LSM12: variants seen among roughly 807,000 people sequenced by gnomAD.
The protein encoded by LSM12 is protein LSM12.
For synonymous variants in LSM12, 74 were observed against 87.3 expected (o/e 0.85, Z 0.85); for missense variants, 108 against 238.9 (o/e 0.45, Z 3.61).
At chr17:44,042,488 C>G (rs2049507475) in intron 2 of LSM12, among the ~76,000 whole-genome samples, 1 of 151,948 alleles carries the variant, frequency 6.6e-6, no homozygotes, top group South Asian at 2.1e-4. Flanking sequence ...CAACCTCCGC[C>G]TCCTGGGTTC....
intron 2 of LSM12, chr17:44,040,470 C>T (rs2049473649): frequency 2.3e-5 from 11 of 475,800 alleles, no homozygotes; most frequent in South Asian, 2.1e-4. Flanking sequence ...CCTTCTAATA[C>T]TTACTGCATA....
chr17:44,065,812 T>C (rs1263874153), intron 1 of LSM12, among the ~76,000 whole-genome samples: 1 of 151,410 alleles, frequency 6.6e-6, no homozygotes, highest in Non-Finnish European at 1.5e-5. Context: ...AGTGCAAACA[T>C]CCCCTAAACA....
chr17:44,065,318 G>A (rs1053992441), intron 1 of LSM12, among the ~76,000 whole-genome samples: 18 of 151,776 alleles, frequency 1.2e-4, no homozygotes, highest in African/African-American at 4.4e-4. Flanking sequence ...GCGCGTGCCC[G>A]TAATCCCAGC....
chr17:44,054,827 TTTTC>T (rs1013211535), intron 2 of LSM12, among the ~76,000 whole-genome samples: 24 of 151,270 alleles, frequency 1.6e-4, no homozygotes, highest in South Asian at 1.3e-3. Context: ...CTTGGCGACG[TTTTC>T]TTTTTCTTTT....
intron 2 of LSM12, among the ~76,000 whole-genome samples, chr17:44,041,878 T>C (rs1301577736): frequency 6.6e-6 from 1 of 152,172 alleles, no homozygotes; most frequent in Non-Finnish European, 1.5e-5. Flanking sequence ...CAACAAATAA[T>C]CTGGAGACTC....
intron 2 of LSM12, among the ~76,000 whole-genome samples, chr17:44,055,295 T>C (rs538479197): frequency 1.3e-5 from 2 of 152,086 alleles, no homozygotes; most frequent in Admixed American, 1.3e-4. Context: ...AAAGTATACA[T>C]AGCTAAACAT....
At chr17:44,045,667 C>G (rs1014723899) in intron 2 of LSM12, among the ~76,000 whole-genome samples, 2 of 152,110 alleles carry the variant, frequency 1.3e-5, no homozygotes, top group African/African-American at 4.8e-5. Flanking sequence ...ACCCACTGGG[C>G]TCAAGCAATC....
intron 2 of LSM12, among the ~76,000 whole-genome samples, chr17:44,046,930 C>T (rs1469323982): frequency 6.6e-6 from 1 of 151,336 alleles, no homozygotes; most frequent in Non-Finnish European, 1.5e-5. Flanking sequence ...TGGGGTTTCA[C>T]TATGTTGGCC....
At chr17:44,059,934 G>A (rs1328974173) in intron 2 of LSM12, among the ~76,000 whole-genome samples, 1 of 152,172 alleles carries the variant, frequency 6.6e-6, no homozygotes, top group Non-Finnish European at 1.5e-5. Flanking sequence ...GGAGGCCGAG[G>A]CGGGCGGATC....
chr17:44,042,422 TGA>T (rs2049506744), intron 2 of LSM12, among the ~76,000 whole-genome samples: 1 of 152,166 alleles, frequency 6.6e-6, no homozygotes, highest in African/African-American at 2.4e-5. Context: ...TTCTTGGGAT[TGA>T]GTTTCACTCT....
chr17:44,046,097 C>T (rs957084131), intron 2 of LSM12, among the ~76,000 whole-genome samples: 4 of 151,112 alleles, frequency 2.6e-5, no homozygotes, highest in Admixed American at 6.6e-5. Flanking sequence ...CCACCACGCC[C>T]GGATAATTTT....
intron 2 of LSM12, among the ~76,000 whole-genome samples, chr17:44,045,323 G>C (rs1018908930): frequency 6.6e-6 from 1 of 152,112 alleles, no homozygotes; most frequent in Non-Finnish European, 1.5e-5. Flanking sequence ...ACCATGCCTG[G>C]CCTTAAATCT....
intron 2 of LSM12, among the ~76,000 whole-genome samples, chr17:44,060,251 C>A (rs540686509): frequency 6.6e-6 from 1 of 152,294 alleles, no homozygotes; most frequent in East Asian, 1.9e-4. Context: ...AGTTTTCTTC[C>A]AGACATCCCA....
At position 44,036,231 on chromosome 17, in the gene LSM12, T is replaced by C; in HGVS notation, c.565A>G (p.Lys189Glu). 1 of 1,613,122 alleles carries C rather than the reference T, an allele frequency of 6.2e-7. No individual in the cohort carries two copies. The highest frequency in any genetic ancestry group is 8.5e-7 in the Non-Finnish European group (1 of 1,179,726). Reference sequence around the variant, plus strand: ...ACTCAGGATGACAGGGCAGCCTCCTTCTGTGGTTGCTGGGCTTGTGAACGT... The same window carrying C: ...ACTCAGGATGACAGGGCAGCCTCCTCCTGTGGTTGCTGGGCTTGTGAACGT... Reference protein sequence around the residue: ...LQRSQAQQPQKEAALSS With the variant: ...LQRSQAQQPQEEAALSS The change falls in exon 5 of 5, where the codon AAG becomes GAG. Residue 189 changes from lysine (K) to glutamate (E), a missense_variant. Physicochemically the swap from Lys to Glu is moderately conservative, Grantham distance 56. Coordinates refer to ENST00000293406, the MANE Select transcript of LSM12 (RefSeq NM_001371445.1).
upstream of LSM12, chr17:44,066,780 T>C: frequency 1.5e-6 from 1 of 645,482 alleles, no homozygotes; most frequent in Non-Finnish European, 2.1e-6. Flanking sequence ...ATCTGAAAAG[T>C]ATTTGTATAG....
At chr17:44,047,832 C>T (rs1323600647) in intron 2 of LSM12, among the ~76,000 whole-genome samples, 1 of 151,854 alleles carries the variant, frequency 6.6e-6, no homozygotes, top group Admixed American at 6.6e-5. Flanking sequence ...ATCCTCCCAC[C>T]TCAGCCTCCC....
chr17:44,041,539 T>C (rs563897931), intron 2 of LSM12, among the ~76,000 whole-genome samples: 1 of 152,294 alleles, frequency 6.6e-6, no homozygotes, highest in South Asian at 2.1e-4. Flanking sequence ...CTGTCCACCT[T>C]TAACTTTAGC....
At chr17:44,053,845 A>G (rs929443951) in intron 2 of LSM12, among the ~76,000 whole-genome samples, 13 of 151,962 alleles carry the variant, frequency 8.6e-5, no homozygotes, top group African/African-American at 2.9e-4. Flanking sequence ...CCAGAATTTG[A>G]CTCTACCACT....
At chr17:44,063,746 T>A in intron 2 of LSM12, 55 bp downstream of exon 2, 2 of 1,563,532 alleles carry the variant, frequency 1.3e-6, no homozygotes, top group Non-Finnish European at 1.7e-6. Flanking sequence ...TAAGACTCAA[T>A]GAGACTCATC....
Sources: gnomAD v4.1 joint callset for allele counts (sites outside exome capture counted in the v4.1 genomes callset) on GRCh38, gnomAD v4.1.1 for gene constraint, MANE v1.5 for transcripts, NCBI Gene and HGNC (gene_info 2026-07-23, HGNC 2026-07-21) for gene names.